Variants in PPM1E observed in about 807,000 individuals in gnomAD.
PPM1E encodes the protein protein phosphatase, Mg2+/Mn2+ dependent 1E.
Under a neutral mutation model 65.9 loss-of-function variants are expected in PPM1E, and 20 were observed. The observed-to-expected ratio is 0.30, with a 90% CI of 0.21 to 0.44. PPM1E has a LOEUF of 0.44. Among genes scored for constraint, PPM1E ranks in the 20% least tolerant of loss-of-function variants. The pLI, the probability that PPM1E is intolerant of heterozygous loss-of-function variation, is 1.00. For synonymous variants in PPM1E, 352 were observed against 374.9 expected (o/e 0.94, Z 0.70); for missense variants, 713 against 953.1 (o/e 0.75, Z 3.32).
At chr17:58,845,486 G>A (rs994286639) in intron 1 of PPM1E, among the ~76,000 whole-genome samples, 12 of 152,058 alleles carry the variant, frequency 7.9e-5, no homozygotes, top group African/African-American at 2.9e-4. Flanking sequence ...CCATTAAACA[G>A]TAACTTCTCA....
At chr17:58,949,096 T>C (rs2052201829) in intron 1 of PPM1E, among the ~76,000 whole-genome samples, 1 of 152,236 alleles carries the variant, frequency 6.6e-6, no homozygotes, top group Non-Finnish European at 1.5e-5. Context: ...GAGTTGGGTG[T>C]TGAAGTCCCC....
chr17:58,820,133 T>C (rs2050465163), intron 1 of PPM1E, among the ~76,000 whole-genome samples: 1 of 152,066 alleles, frequency 6.6e-6, no homozygotes, highest in Non-Finnish European at 1.5e-5. Context: ...AGGGGGATGG[T>C]GCTAAACCAT....
chr17:58,799,424 G>A (rs2050237864), intron 1 of PPM1E, among the ~76,000 whole-genome samples: 1 of 151,000 alleles, frequency 6.6e-6, no homozygotes, highest in Non-Finnish European at 1.5e-5. Flanking sequence ...TGGGACCACA[G>A]GCGTGTGCCA....
chr17:58,910,522 T>G (rs900527201), intron 1 of PPM1E, among the ~76,000 whole-genome samples: 8 of 152,140 alleles, frequency 5.3e-5, no homozygotes, highest in African/African-American at 1.9e-4. Context: ...TTTTCAAAAT[T>G]TTTTTTGCTT....
At position 58,980,770 on chromosome 17, in the gene PPM1E, T is replaced by G; in HGVS notation, c.2007T>G (p.His669Gln). The change falls in exon 7 of 7, where the codon CAT (histidine) becomes CAG (glutamine). Residue 669 changes from histidine (H) to glutamine (Q), a missense_variant. By Grantham distance (24) the His-to-Gln change is conservative. Coordinates refer to ENST00000308249, the MANE Select transcript of PPM1E (RefSeq NM_014906.5). This position sits in a 1 kb window ranked among gnomAD's most constrained non-coding sequence, Gnocchi z 4.7. ...SPGNRVSRLS[H>Q]LRHHYSKKWH... is the part of the protein sequence containing the mutation. ...GAAACAGAGTTTCTAGATTGTCTCA[T>G]TTACGCCACCACTACTCAAAGAAGT... 6.2e-7 allele frequency: 1 copy of G among 1,614,144 alleles called. No homozygotes were observed. The highest frequency in any genetic ancestry group is 8.5e-7 in the Non-Finnish European group (1 of 1,180,010).
At chr17:58,846,733 G>A (rs954579314) in intron 1 of PPM1E, among the ~76,000 whole-genome samples, 31 of 152,236 alleles carry the variant, frequency 2.0e-4, no homozygotes, top group South Asian at 2.1e-4. Flanking sequence ...ATAAACATAC[G>A]TGTGCATGTG....
chr17:58,908,348 G>A (rs1251313718), intron 1 of PPM1E, among the ~76,000 whole-genome samples: 1 of 148,104 alleles, frequency 6.8e-6, no homozygotes, highest in East Asian at 2.0e-4. Context: ...CAAAGTGCTG[G>A]GATTACAGGC....
At chr17:58,797,144 C>T (rs778975260) in intron 1 of PPM1E, among the ~76,000 whole-genome samples, 92 of 151,972 alleles carry the variant, frequency 6.1e-4, no homozygotes, top group South Asian at 1.5e-3. Flanking sequence ...AAGTTTGCCC[C>T]TAAAAAACAA....
chr17:58,777,855 A>G (rs2050008503), intron 1 of PPM1E, among the ~76,000 whole-genome samples: 1 of 152,200 alleles, frequency 6.6e-6, no homozygotes, highest in Non-Finnish European at 1.5e-5. Flanking sequence ...AGGTTTTCAG[A>G]AAGTACTTAA....
intron 1 of PPM1E, among the ~76,000 whole-genome samples, chr17:58,842,507 T>A (rs2050729847): frequency 2.6e-5 from 4 of 152,136 alleles, no homozygotes; most frequent in Admixed American, 2.0e-4. Context: ...ACTCAATTTG[T>A]AAATCAAAAA....
chr17:58,908,983 A>G (rs888200375), intron 1 of PPM1E, among the ~76,000 whole-genome samples: 13 of 152,276 alleles, frequency 8.5e-5, no homozygotes, highest in African/African-American at 2.9e-4. Context: ...ACATATGCAT[A>G]ATCAAATGTA....
chr17:58,922,992 G>T (rs1469908462), intron 1 of PPM1E, among the ~76,000 whole-genome samples: 1 of 152,056 alleles, frequency 6.6e-6, no homozygotes, highest in East Asian at 1.9e-4. Context: ...TGTGAATTTT[G>T]AAAAATATTA....
Position 58,969,723 on chromosome 17 carries a change from G to C in PPM1E, c.968G>C (p.Arg323Thr), listed in dbSNP as rs2030473332. Reference sequence around the variant, plus strand: ...GAGCGGTTTGTGCAGAAAGCAGCCAGGGAGGTATGCCCCTTTCTCATAAGT... The same window carrying C: ...GAGCGGTTTGTGCAGAAAGCAGCCACGGAGGTATGCCCCTTTCTCATAAGT... ...TDERFVQKAA[R>T]ESLRCGTTGV... Residue 323 changes from arginine to threonine, a missense_variant, in exon 4 of 7, where the codon AGG becomes ACG. By Grantham distance (71) the Arg-to-Thr change is moderately conservative (BLOSUM62 -1). This residue lies in a region of PPM1E where 88 missense variants were observed against 231.1 expected (regional missense o/e 0.38). Coordinates refer to ENST00000308249, the MANE Select transcript of PPM1E (RefSeq NM_014906.5). 6.2e-7 allele frequency: 1 copy of C among 1,613,972 alleles called. No homozygotes were observed. Among genetic ancestry groups the C allele is most frequent in the Non-Finnish European group, 8.5e-7 (1 of 1,179,998 alleles).
At chr17:58,790,007 GAATA>G (rs1172873038) in intron 1 of PPM1E, among the ~76,000 whole-genome samples, 1 of 151,976 alleles carries the variant, frequency 6.6e-6, no homozygotes, top group Non-Finnish European at 1.5e-5. Flanking sequence ...AATTTTTATT[GAATA>G]AATAAGTTAG....
At chr17:58,914,268 C>G (rs987647186) in intron 1 of PPM1E, among the ~76,000 whole-genome samples, 1 of 152,206 alleles carries the variant, frequency 6.6e-6, no homozygotes, top group Non-Finnish European at 1.5e-5. Flanking sequence ...TTGTTCATTA[C>G]TGTTAACTAC....
At chr17:58,878,325 C>G (rs958850795) in intron 1 of PPM1E, among the ~76,000 whole-genome samples, 3 of 152,026 alleles carry the variant, frequency 2.0e-5, no homozygotes, top group Non-Finnish European at 4.4e-5. Context: ...TCACTGCAAC[C>G]TCCACCTCCC....
At chr17:58,920,451 G>A (rs2051737537) in intron 1 of PPM1E, among the ~76,000 whole-genome samples, 1 of 152,020 alleles carries the variant, frequency 6.6e-6, no homozygotes. Flanking sequence ...CACAACTCCT[G>A]TCTTTCCAGC....
intron 1 of PPM1E, among the ~76,000 whole-genome samples, chr17:58,805,990 C>CAAA (rs1168126201): frequency 5.6e-5 from 4 of 71,372 alleles, no homozygotes; most frequent in African/African-American, 1.9e-4. Context: ...AAAAACAAAA[C>CAAA]AAAACAAAAC....
chr17:58,938,945 C>G (rs7207227), intron 1 of PPM1E, among the ~76,000 whole-genome samples: 3,331 of 152,048 alleles, frequency 0.022, 117 homozygotes, highest in African/African-American at 0.076. Flanking sequence ...CCCACCACCA[C>G]GCCCAGCTAA....
Sources: allele counts gnomAD v4.1 joint callset (sites outside exome capture counted in the v4.1 genomes callset), GRCh38; gene constraint gnomAD v4.1.1; regional missense constraint gnomAD v4.1.1; non-coding constraint Gnocchi (gnomAD v3.1); transcripts MANE v1.5; gene names NCBI Gene and HGNC (gene_info 2026-07-23, HGNC 2026-07-21).